Variants in MYLK observed in about 807,000 individuals in gnomAD.
MYLK encodes the protein myosin light chain kinase, also known as myosin light chain kinase, smooth muscle.
MYLK carries 106 observed loss-of-function variants against 203.4 expected under a neutral mutation model. The ratio of observed to expected loss-of-function variants is 0.52; its 90% CI spans 0.45 to 0.61. MYLK has a LOEUF of 0.61. Ranked by LOEUF, MYLK falls within the 20% of genes least tolerant of loss-of-function variation. MYLK has a pLI of 0.00. For synonymous variants in MYLK, 867 were observed against 959.5 expected (o/e 0.90, Z 1.78); for missense variants, 2,072 against 2,442.3 (o/e 0.85, Z 3.20).
At chr3:123,701,608 T>C (rs2061230971) in intron 16 of MYLK, 99 bp from the exon 17 acceptor site, 6 of 1,268,442 alleles carry the variant, frequency 4.7e-6, no homozygotes, top group Admixed American at 1.8e-5. Context: ...GCGGGGAAGA[T>C]GGAAGTCGCC....
intron 4 of MYLK, among the ~76,000 whole-genome samples, chr3:123,762,733 T>A (rs1183171214): frequency 6.6e-6 from 1 of 152,212 alleles, no homozygotes; most frequent in African/African-American, 2.4e-5. Flanking sequence ...TGCCCCTTTT[T>A]GCCCTTCGGC....
intron 24 of MYLK, among the ~76,000 whole-genome samples, chr3:123,651,101 C>T (rs1411362639): frequency 1.3e-5 from 2 of 152,150 alleles, no homozygotes; most frequent in African/African-American, 4.8e-5. Flanking sequence ...ATGTCTTAAT[C>T]AGAAAAGGTG....
intron 3 of MYLK, among the ~76,000 whole-genome samples, chr3:123,799,524 C>T (rs185778945): frequency 5.9e-5 from 9 of 152,200 alleles, no homozygotes; most frequent in African/African-American, 1.7e-4. Flanking sequence ...GTCAGTTTGC[C>T]GGGCATCTTG....
Position 123,612,457 on chromosome 3 carries a change from G to C in MYLK, c.*1648C>G, listed in dbSNP as rs1272216765. ...TGTAACACACATATACGCCACACAT[G>C]CACACACACAACATACACGCACACA... On this transcript the variant is annotated 3_prime_UTR_variant, in exon 34 of 34. Transcript: ENST00000360304. 6.6e-6 allele frequency: 1 copy of C among 152,500 alleles called. No individual in the cohort carries two copies. Among genetic ancestry groups the C allele is most frequent in the Admixed American group, 6.6e-5 (1 of 15,252 alleles). The allele number at this position is 152,500 out of a possible 1,614,324, so 9.4% of individuals were successfully genotyped here. A position where few individuals can be genotyped will look rare whatever the true frequency, so the allele number is the denominator to read the frequency against.
At chr3:123,753,094 G>A (rs961144559) in intron 4 of MYLK, among the ~76,000 whole-genome samples, 15 of 152,186 alleles carry the variant, frequency 9.9e-5, no homozygotes, top group African/African-American at 3.6e-4. Context: ...TGCCCAGCAC[G>A]GTAGCCACTG....
intron 22 of MYLK, among the ~76,000 whole-genome samples, chr3:123,665,271 CT>C (rs1430244421): frequency 6.6e-6 from 1 of 152,188 alleles, no homozygotes; most frequent in African/African-American, 2.4e-5. Context: ...AGAGATAACA[CT>C]TTCATCAGGG....
At chr3:123,662,530 G>A (rs920370618) in intron 23 of MYLK, among the ~76,000 whole-genome samples, 4 of 152,202 alleles carry the variant, frequency 2.6e-5, no homozygotes, top group Non-Finnish European at 5.9e-5. Flanking sequence ...GAATCAGAAT[G>A]TCAGAGAATA....
intron 12 of MYLK, among the ~76,000 whole-genome samples, chr3:123,723,675 G>A (rs2062172618): frequency 1.3e-5 from 2 of 152,214 alleles, no homozygotes; most frequent in African/African-American, 4.8e-5. Flanking sequence ...GAGACATTAG[G>A]CTCTCCCAGC....
chr3:123,657,739 A>G (rs1673157216), intron 23 of MYLK, among the ~76,000 whole-genome samples: 1 of 152,214 alleles, frequency 6.6e-6, no homozygotes, highest in Admixed American at 6.5e-5. Context: ...GTCAGAGTAA[A>G]CAGATCTAGG....
intron 11 of MYLK, 23 bp downstream of exon 11, chr3:123,732,873 G>C (rs975095463): frequency 6.2e-7 from 1 of 1,608,800 alleles, no homozygotes; most frequent in Non-Finnish European, 8.5e-7. Flanking sequence ...AGAATGCGGG[G>C]TGACCTGGAG....
Position 123,620,289 on chromosome 3 carries a change from T to C in MYLK, c.5286A>G (p.Ala1762=). The C allele has an allele frequency of 6.2e-7, 1 of 1,614,202 alleles. No homozygotes were observed. Residue 1762 remains alanine, a synonymous_variant, in exon 32 of 34, where the codon GCA becomes GCG. Coordinates refer to ENST00000360304, the MANE Select transcript of MYLK (RefSeq NM_053025.4). ...TCCTGCCACTGAGCCCTGAGATCAT[T>C]GCCATAGAGGACAGTCTTCCAATGG... The part of the protein sequence containing the change: ...VRAIGRLSSM[A]MISGLSGRKS...
intron 2 of MYLK, among the ~76,000 whole-genome samples, chr3:123,849,751 T>C (rs549749085): frequency 1.3e-4 from 20 of 152,264 alleles, no homozygotes; most frequent in African/African-American, 4.3e-4. Context: ...TTATTCATTT[T>C]TTTTTATTAT....
chr3:123,739,866 G>A, intron 6 of MYLK, 87 bp downstream of exon 6: 3 of 1,437,744 alleles, frequency 2.1e-6, no homozygotes, highest in Non-Finnish European at 2.9e-6. Flanking sequence ...ACCTAGGAGA[G>A]CCAAGACTTA....
At chr3:123,800,512 C>T (rs769475709) in intron 3 of MYLK, among the ~76,000 whole-genome samples, 4 of 152,062 alleles carry the variant, frequency 2.6e-5, no homozygotes, top group Non-Finnish European at 4.4e-5. Context: ...CTGATGAGGC[C>T]CAGACTCCAC....
chr3:123,628,335 C>T (rs1316189100), intron 30 of MYLK, among the ~76,000 whole-genome samples: 1 of 152,192 alleles, frequency 6.6e-6, no homozygotes, highest in Non-Finnish European at 1.5e-5. Flanking sequence ...GCCATTCTTC[C>T]TCAGGGGAGC....
chr3:123,846,756 T>C (rs2030054698), intron 2 of MYLK, among the ~76,000 whole-genome samples: 1 of 152,160 alleles, frequency 6.6e-6, no homozygotes. Context: ...TTTATCAATA[T>C]AGCCCTTTTC....
intron 4 of MYLK, among the ~76,000 whole-genome samples, chr3:123,769,944 G>A (rs1015324165): frequency 3.2e-4 from 48 of 152,210 alleles, no homozygotes; most frequent in Non-Finnish European, 1.3e-4. Context: ...GGACTGCAAG[G>A]CTGCTCACGA....
rs74717183 is a variant in MYLK, at chr3:123,730,097, C to A, written c.1516+2799G>T. ...AAAAAAAATTAGCCGAGTGTGGTGGCAAGCACCTTTAGTCCCACCTACTCA... is the reference window on the plus strand; with the variant it reads ...AAAAAAAATTAGCCGAGTGTGGTGGAAAGCACCTTTAGTCCCACCTACTCA... On this transcript the variant is annotated intron_variant, in intron 11 of 33. Transcript: ENST00000360304. Among the ~76,000 whole-genome samples, 129 of 152,090 alleles carry A rather than the reference C, an allele frequency of 8.5e-4. 1 individual carries two copies. Among genetic ancestry groups the A allele is most frequent in the African/African-American group, 2.8e-3 (118 of 41,464 alleles).
chr3:123,708,503 G>A (rs1169318039), intron 15 of MYLK, among the ~76,000 whole-genome samples, 195 bp downstream of exon 15: 2 of 152,194 alleles, frequency 1.3e-5, no homozygotes, highest in East Asian at 1.9e-4. Flanking sequence ...AGAAAGCTGG[G>A]AAAGGCAGCC....
Sources: gnomAD v4.1 joint callset for allele counts (sites outside exome capture counted in the v4.1 genomes callset) on GRCh38, gnomAD v4.1.1 for gene constraint, MANE v1.5 for transcripts, NCBI Gene and HGNC (gene_info 2026-07-23, HGNC 2026-07-21) for gene names.